The following POLR3B variants were observed in gnomAD, a reference collection of about 807,000 sequenced individuals.
POLR3B encodes the protein RNA polymerase III subunit B.
POLR3B carries 96 observed loss-of-function variants against 147.4 expected under a neutral mutation model. The observed-to-expected ratio is 0.65, with a 90% CI of 0.55 to 0.77. The LOEUF (loss-of-function observed/expected upper bound fraction) is 0.77. POLR3B is among the 30% of genes least tolerant of loss of function. The pLI, the probability that POLR3B is intolerant of heterozygous loss-of-function variation, is 0.00. For missense variants in POLR3B, 1,036 were observed against 1,413.5 expected (o/e 0.73, Z 4.28); for synonymous variants, 461 against 485.9 (o/e 0.95, Z 0.67).
chr12:106,402,407 T>C (rs2037081449), intron 10 of POLR3B, among the ~76,000 whole-genome samples: 1 of 152,182 alleles, frequency 6.6e-6, no homozygotes, highest in Non-Finnish European at 1.5e-5. Flanking sequence ...ATAGATTCAA[T>C]GCCATCCCCA....
At chr12:106,506,839 G>T (rs1043062880) in intron 27 of POLR3B, among the ~76,000 whole-genome samples, 5 of 152,116 alleles carry the variant, frequency 3.3e-5, no homozygotes, top group African/African-American at 1.2e-4. Flanking sequence ...CTTTCTGGCC[G>T]AGGAGCGTAA....
At chr12:106,482,454 C>T (rs897550185) in intron 23 of POLR3B, among the ~76,000 whole-genome samples, 4 of 152,104 alleles carry the variant, frequency 2.6e-5, no homozygotes, top group African/African-American at 7.2e-5. Flanking sequence ...ACAATCATGG[C>T]AGAAGGCAAA....
intron 9 of POLR3B, among the ~76,000 whole-genome samples, chr12:106,385,226 C>G (rs553742732): frequency 4.6e-5 from 7 of 152,270 alleles, no homozygotes; most frequent in African/African-American, 1.7e-4. Flanking sequence ...CTATATTTTT[C>G]CTGGAGCAAT....
intron 10 of POLR3B, among the ~76,000 whole-genome samples, chr12:106,401,872 A>C (rs979996908): frequency 2.0e-5 from 3 of 152,142 alleles, no homozygotes; most frequent in Admixed American, 1.3e-4. Flanking sequence ...ATGGGCAAAA[A>C]CTGGAAGCAT....
At chr12:106,416,053 G>A (rs2037297805) in intron 12 of POLR3B, among the ~76,000 whole-genome samples, 1 of 152,182 alleles carries the variant, frequency 6.6e-6, no homozygotes, top group Non-Finnish European at 1.5e-5. Flanking sequence ...GGGCTTCCTT[G>A]GGGATCATTG....
intron 10 of POLR3B, among the ~76,000 whole-genome samples, chr12:106,398,071 T>G (rs931338005): frequency 7.9e-5 from 12 of 152,174 alleles, no homozygotes; most frequent in African/African-American, 2.9e-4. Flanking sequence ...GTCAGGGAAT[T>G]CCCTTTCCTA....
chr12:106,487,065 C>G (rs575458310), intron 23 of POLR3B, among the ~76,000 whole-genome samples: 2 of 152,326 alleles, frequency 1.3e-5, no homozygotes, highest in South Asian at 4.1e-4. Context: ...TAACCCAGCG[C>G]TTAGTGTGGG....
chr12:106,376,297 T>G (rs1476582842), intron 6 of POLR3B, 62 bp from the exon 7 acceptor site: 5 of 1,148,616 alleles, frequency 4.4e-6, no homozygotes, highest in Non-Finnish European at 6.5e-6. Flanking sequence ...GTTTTGTATT[T>G]TTTGCAGCTT....
intron 13 of POLR3B, among the ~76,000 whole-genome samples, chr12:106,428,990 G>A (rs190208735): frequency 1.3e-5 from 2 of 152,214 alleles, no homozygotes; most frequent in East Asian, 3.9e-4. Context: ...TTTAACCTGG[G>A]ATCCACAAGA....
chr12:106,463,681 C>T (rs2037969412), intron 23 of POLR3B, 61 bp downstream of exon 23: 2 of 1,404,770 alleles, frequency 1.4e-6, no homozygotes, highest in African/African-American at 1.4e-5. Context: ...TTGTTAACCA[C>T]TTAAATAAAA....
intron 12 of POLR3B, among the ~76,000 whole-genome samples, chr12:106,420,049 C>T (rs927472288): frequency 1.3e-5 from 2 of 151,852 alleles, no homozygotes; most frequent in Non-Finnish European, 2.9e-5. Context: ...TAGGCTCAGG[C>T]GTTTCCAGAG....
intron 23 of POLR3B, among the ~76,000 whole-genome samples, chr12:106,494,551 G>T (rs930455424): frequency 4.6e-5 from 7 of 152,146 alleles, no homozygotes; most frequent in African/African-American, 1.7e-4. Flanking sequence ...CAATGTTGTT[G>T]TCGGTGCACC....
At chr12:106,363,497 G>A (rs981295910) in intron 1 of POLR3B, among the ~76,000 whole-genome samples, 1 of 152,232 alleles carries the variant, frequency 6.6e-6, no homozygotes, top group Non-Finnish European at 1.5e-5. Flanking sequence ...ATGGGAGGGA[G>A]AAAGAACTCC....
chr12:106,367,102 C>T (rs563244384), intron 4 of POLR3B, among the ~76,000 whole-genome samples: 2 of 151,114 alleles, frequency 1.3e-5, no homozygotes, highest in Middle Eastern at 3.4e-3. Flanking sequence ...GACTCTGACT[C>T]AAAAAAATAA....
intron 10 of POLR3B, among the ~76,000 whole-genome samples, chr12:106,399,478 G>A (rs564375611): frequency 1.3e-5 from 2 of 152,262 alleles, no homozygotes; most frequent in East Asian, 3.9e-4. Flanking sequence ...TACAGAGAAT[G>A]CCACAAAGAT....
chr12:106,360,025 T>C (rs1366501294), intron 1 of POLR3B, among the ~76,000 whole-genome samples: 2 of 152,222 alleles, frequency 1.3e-5, no homozygotes, highest in African/African-American at 4.8e-5. Flanking sequence ...CTTCCTGCAC[T>C]CTGTATCCAA....
chr12:106,379,580 T>A (rs1027935286), intron 8 of POLR3B, among the ~76,000 whole-genome samples: 7 of 152,228 alleles, frequency 4.6e-5, no homozygotes, highest in Non-Finnish European at 1.5e-5. Flanking sequence ...GATATTCCTT[T>A]CTTTTGGCTT....
chr12:106,467,551 C>A (rs2038023732), intron 23 of POLR3B, among the ~76,000 whole-genome samples: 1 of 152,124 alleles, frequency 6.6e-6, no homozygotes, highest in Non-Finnish European at 1.5e-5. Flanking sequence ...GGGAATGCTT[C>A]CAGTTTTTGC....
chr12:106,417,593 C>G (rs770229066), intron 12 of POLR3B, among the ~76,000 whole-genome samples: 1 of 151,978 alleles, frequency 6.6e-6, no homozygotes, highest in Non-Finnish European at 1.5e-5. Flanking sequence ...GCAGATAGTA[C>G]CACAACTAAA....
Sources: allele counts gnomAD v4.1 joint callset (sites outside exome capture counted in the v4.1 genomes callset), GRCh38; gene constraint gnomAD v4.1.1; transcripts MANE v1.5; gene names NCBI Gene and HGNC (gene_info 2026-07-23, HGNC 2026-07-21).